The following FAM120C variants were observed in gnomAD, a reference collection of about 807,000 sequenced individuals.
The protein encoded by FAM120C is constitutive coactivator of PPAR-gamma-like protein 2.
In FAM120C, 14 loss-of-function variants were observed where a neutral mutation model predicts 71.2. The ratio of observed to expected loss-of-function variants is 0.20; its 90% confidence interval spans 0.13 to 0.31. The LOEUF (loss-of-function observed/expected upper bound fraction) is 0.31. Ranked by LOEUF, FAM120C falls within the 10% of genes least tolerant of loss-of-function variation. The pLI is 1.00. For missense variants in FAM120C, 500 were observed against 879.0 expected (o/e 0.57, Z 5.45); for synonymous variants, 354 against 353.2 (o/e 1.00, Z -0.03).
intron 13 of FAM120C, among the ~76,000 whole-genome samples, chrX:54,083,639 C>T (rs1343058485): frequency 9.0e-6 from 1 of 111,033 alleles, no homozygotes; most frequent in Non-Finnish European, 1.9e-5. Flanking sequence ...TGTATCCACA[C>T]ATACACACAC....
chrX:54,117,516 G>A (rs1161617556), intron 9 of FAM120C, among the ~76,000 whole-genome samples: 2 of 104,678 alleles, frequency 1.9e-5, no homozygotes, highest in African/African-American at 7.0e-5. Context: ...CCAACATGGT[G>A]AAACCCTGTT....
chrX:54,081,501 G>A, intron 13 of FAM120C, 41 bp from the exon 14 acceptor site: 1 of 1,182,193 alleles, frequency 8.5e-7, no homozygotes, highest in Non-Finnish European at 1.1e-6. Context: ...GCCAGGTGTG[G>A]TGGTTCACGC....
chrX:54,096,426 A>T (rs1485558189), intron 10 of FAM120C, among the ~76,000 whole-genome samples: 1 of 111,748 alleles, frequency 8.9e-6, no homozygotes, highest in Non-Finnish European at 1.9e-5. Context: ...AATAAAAAAT[A>T]AAAAAATGAA....
Position 54,091,389 on chromosome X carries a change from G to A in FAM120C, c.2350C>T (p.Arg784Cys), listed in dbSNP as rs782329800. ...GCAAGGAAGGTGTCTAGCTCATGGC[G>A]ATGCAGGATTCGGCCACCAGGCCAC... ...VQWPGGRILH[R>C]HELDTFLAQA... The change falls in exon 11 of 16, where the codon CGC becomes TGC. Residue 784 changes from arginine (R) to cysteine (C), a missense_variant. Coordinates refer to ENST00000375180, the MANE Select transcript of FAM120C (RefSeq NM_017848.6). 2 of 1,210,657 alleles carry A rather than the reference G, an allele frequency of 1.7e-6. No individual in the cohort carries two copies. The highest frequency in any genetic ancestry group is 1.1e-6 in the Non-Finnish European group (1 of 894,391).
At chrX:54,177,248 C>A (rs1557136785) in intron 1 of FAM120C, among the ~76,000 whole-genome samples, 3 of 111,155 alleles carry the variant, frequency 2.7e-5, no homozygotes, top group Non-Finnish European at 5.7e-5. Context: ...ACAGAGTCAG[C>A]TTCTGTTTTC....
chrX:54,104,617 G>A lies in FAM120C; in HGVS notation c.2312+11928C>T, dbSNP rs891977529. On this transcript the variant is annotated intron_variant, in intron 10 of 15. Transcript: ENST00000375180. ...GAGGTCAGGAGTTCAAGACCAGCCT[G>A]GTCAACATGGCGAAACCACGTCTCT... 8.2e-5 allele frequency among the ~76,000 whole-genome samples: 9 copies of A among 110,410 alleles called. No homozygotes were observed. In the East Asian group the frequency reaches 2.3e-3, roughly 28 times the overall value.
chrX:54,076,695 A>T (rs1266954025), intron 15 of FAM120C, among the ~76,000 whole-genome samples: 1 of 112,022 alleles, frequency 8.9e-6, no homozygotes, highest in Non-Finnish European at 1.9e-5. Flanking sequence ...TAAAATAGAT[A>T]GAATAAGGGT....
At chrX:54,143,395 T>TC (rs1357581266) in intron 4 of FAM120C, among the ~76,000 whole-genome samples, 2 of 109,390 alleles carry the variant, frequency 1.8e-5, no homozygotes, top group Non-Finnish European at 3.8e-5. Context: ...TTTGAAAAGA[T>TC]CAACAAAATT....
At chrX:54,080,437 G>A in intron 14 of FAM120C, 148 bp from the exon 15 acceptor site, 1 of 479,501 alleles carries the variant, frequency 2.1e-6, no homozygotes, top group East Asian at 3.5e-5. Flanking sequence ...ATCTATCTTG[G>A]TCATTCCTAT....
intron 4 of FAM120C, among the ~76,000 whole-genome samples, chrX:54,146,387 A>G (rs928359801): frequency 8.0e-5 from 9 of 112,293 alleles, no homozygotes; most frequent in Non-Finnish European, 1.5e-4. Flanking sequence ...ACAGTGAAAA[A>G]TAATATAAGT....
chrX:54,088,005 C>G, intron 11 of FAM120C, 41 bp from the exon 12 acceptor site: 2 of 1,052,562 alleles, frequency 1.9e-6, no homozygotes, highest in Non-Finnish European at 2.6e-6. Context: ...TAAGAAACTA[C>G]TATTCTTGGT....
At chrX:54,127,584 C>CAA (rs782016062) in intron 9 of FAM120C, among the ~76,000 whole-genome samples, 20 of 25,073 alleles carry the variant, frequency 8.0e-4, no homozygotes, top group South Asian at 2.1e-3. Context: ...GACTCCATCT[C>CAA]AAAAAAAAAA....
intron 6 of FAM120C, 148 bp downstream of exon 6, chrX:54,135,378 CAT>C: frequency 3.6e-6 from 2 of 553,762 alleles, no homozygotes; most frequent in Non-Finnish European, 2.9e-6. Flanking sequence ...GCTTTTTTTG[CAT>C]AGTCTTCCAG....
chrX:54,180,319 C>A (rs2067341464), intron 1 of FAM120C, among the ~76,000 whole-genome samples: 1 of 112,305 alleles, frequency 8.9e-6, no homozygotes, highest in Admixed American at 9.4e-5. Context: ...TCGGTGAAGC[C>A]TTCCCCAACT....
intron 13 of FAM120C, among the ~76,000 whole-genome samples, chrX:54,083,474 CACA>C (rs1557121580): frequency 3.5e-4 from 37 of 106,366 alleles, no homozygotes; most frequent in African/African-American, 1.3e-3. Context: ...CACACACACA[CACA>C]CCAAAATATT....
intron 10 of FAM120C, among the ~76,000 whole-genome samples, chrX:54,104,130 A>T (rs1018923972): frequency 2.7e-5 from 3 of 111,967 alleles, no homozygotes; most frequent in Non-Finnish European, 5.6e-5. Flanking sequence ...GCCTTGATGC[A>T]TGCCTCTCCC....
intron 3 of FAM120C, among the ~76,000 whole-genome samples, chrX:54,153,903 G>C (rs1239578030): frequency 9.2e-6 from 1 of 108,673 alleles, no homozygotes; most frequent in Non-Finnish European, 1.9e-5. Flanking sequence ...GTTTCACCAT[G>C]TTGGCCAGGC....
At chrX:54,090,055 C>T (rs2066816157) in intron 11 of FAM120C, among the ~76,000 whole-genome samples, 1 of 110,702 alleles carries the variant, frequency 9.0e-6, no homozygotes, top group Non-Finnish European at 1.9e-5. Flanking sequence ...TATGTGACCC[C>T]TCCAAATTGC....
At chrX:54,076,960 C>T (rs1418372485) in intron 15 of FAM120C, among the ~76,000 whole-genome samples, 1 of 111,386 alleles carries the variant, frequency 9.0e-6, no homozygotes, top group African/African-American at 3.3e-5. Flanking sequence ...GGCATGGTGG[C>T]ATGCACCTCT....
Sources: gnomAD v4.1 joint callset for allele counts (sites outside exome capture counted in the v4.1 genomes callset) on GRCh38, gnomAD v4.1.1 for gene constraint, MANE v1.5 for transcripts, NCBI Gene and HGNC (gene_info 2026-07-23, HGNC 2026-07-21) for gene names.